Variants in CHLSN observed in about 807,000 individuals in gnomAD.
The protein encoded by CHLSN is protein cholesin.
chr7:1,135,921 GTATATATAAA>G, the CHLSN span, among the ~76,000 whole-genome samples: 1 of 115,322 alleles, frequency 8.7e-6, no homozygotes, highest in Non-Finnish European at 1.7e-5. Context: ...ATATATATAA[GTATATATAAA>G]TATATAAGTA....
chr7:1,039,337 G>A, the CHLSN span, among the ~76,000 whole-genome samples: 9 of 48,650 alleles, frequency 1.8e-4, no homozygotes, highest in South Asian at 7.8e-4. Context: ...CCCTCTGCCC[G>A]GCCAGCCGCC....
the CHLSN span, among the ~76,000 whole-genome samples, chr7:1,097,512 G>A: frequency 1.4e-5 from 2 of 143,962 alleles, no homozygotes; most frequent in African/African-American, 5.1e-5. This position sits in a 1 kb window ranked among gnomAD's most constrained non-coding sequence, Gnocchi z 4.3. Context: ...AAGAATGCAT[G>A]AATGGGAAGA....
At chr7:1,094,183 G>C in the CHLSN span, among the ~76,000 whole-genome samples, 2 of 152,232 alleles carry the variant, frequency 1.3e-5, no homozygotes, top group Non-Finnish European at 2.9e-5. Flanking sequence ...CAGCCGGCCG[G>C]GAAGGTTCCT....
At chr7:1,115,438 A>G in the CHLSN span, among the ~76,000 whole-genome samples, 1 of 152,252 alleles carries the variant, frequency 6.6e-6, no homozygotes, top group African/African-American at 2.4e-5. Context: ...ATCACCTCCC[A>G]GGTCAGACGC....
chr7:1,117,450 C>T, the CHLSN span, among the ~76,000 whole-genome samples: 5,664 of 121,984 alleles, frequency 0.046, 263 homozygotes, highest in South Asian at 0.074. Context: ...CAGACGCCCA[C>T]GCAGGATGAT....
At chr7:1,050,031 T>G in the CHLSN span, among the ~76,000 whole-genome samples, 1 of 152,212 alleles carries the variant, frequency 6.6e-6, no homozygotes, top group Non-Finnish European at 1.5e-5. Flanking sequence ...CAGGTCTCTC[T>G]GGCGGGCTAG....
chr7:1,064,900 G>T, the CHLSN span, among the ~76,000 whole-genome samples: 1 of 152,224 alleles, frequency 6.6e-6, no homozygotes. Context: ...GGAAACGCCG[G>T]GTCAAGCGAG....
the CHLSN span, among the ~76,000 whole-genome samples, chr7:1,029,900 G>A: frequency 9.2e-5 from 14 of 152,328 alleles, no homozygotes; most frequent in South Asian, 2.3e-3. Flanking sequence ...AGGCAAGGGT[G>A]GACTGGAGGC....
the CHLSN span, among the ~76,000 whole-genome samples, chr7:1,119,883 A>AG: frequency 1.1e-3 from 160 of 147,050 alleles, 1 homozygote; most frequent in African/African-American, 3.8e-3. Flanking sequence ...GTCAAAAAAA[A>AG]AAAAAAGGGG....
At chr7:1,095,388 C>T in the CHLSN span, among the ~76,000 whole-genome samples, 1 of 151,588 alleles carries the variant, frequency 6.6e-6, no homozygotes, top group African/African-American at 2.4e-5. Flanking sequence ...AAGATGCATG[C>T]TTCAATGAAG....
At chr7:1,116,552 ACGCC>A in the CHLSN span, among the ~76,000 whole-genome samples, 1 of 72,152 alleles carries the variant, frequency 1.4e-5, no homozygotes, top group South Asian at 5.3e-4. Flanking sequence ...TCCATCACCG[ACGCC>A]CACGCAGGAT....
At chr7:1,063,670 A>G in the CHLSN span, among the ~76,000 whole-genome samples, 2,944 of 152,294 alleles carry the variant, frequency 0.019, 109 homozygotes, top group East Asian at 0.18. Context: ...CCTTGGTGCC[A>G]TGTGTCTCTG....
the CHLSN span, among the ~76,000 whole-genome samples, chr7:988,002 G>GGGGGGTCCCCTCTGTGTGTCCT: frequency 0.34 from 33,319 of 96,620 alleles, 5,657 homozygotes; most frequent in African/African-American, 0.57. Context: ...TGTGTGTCCT[G>GGGGGGTCCCCTCTGTGTGTCCT]GGGGGTCCCC....
the CHLSN span, chr7:987,346 G>A: frequency 1.3e-6 from 2 of 1,574,716 alleles, no homozygotes; most frequent in Non-Finnish European, 1.7e-6. Context: ...CTTTGCCCCA[G>A]GCCGGGTGCA....
chr7:1,108,919 C>T, the CHLSN span, among the ~76,000 whole-genome samples: 702 of 127,862 alleles, frequency 5.5e-3, 4 homozygotes, highest in African/African-American at 0.017. Context: ...TTTTTTGAGA[C>T]GGAGTCTCGC....
the CHLSN span, among the ~76,000 whole-genome samples, chr7:1,086,635 AC>A: frequency 6.6e-6 from 1 of 152,134 alleles, no homozygotes; most frequent in East Asian, 1.9e-4. Flanking sequence ...GAGGCCCAGC[AC>A]CCCACTCTTG....
the CHLSN span, among the ~76,000 whole-genome samples, chr7:1,030,705 C>T: frequency 2.6e-5 from 4 of 151,128 alleles, no homozygotes; most frequent in East Asian, 3.9e-4. Context: ...CCCAGGCAGG[C>T]GGGGACTCTC....
chr7:1,093,336 G>A, the CHLSN span: 74,322 of 421,264 alleles, frequency 0.18, 7,055 homozygotes, highest in Admixed American at 0.2. Flanking sequence ...TGGACGTCGC[G>A]GTGTGTCCTC....
chr7:1,002,484 G>GT, the CHLSN span, among the ~76,000 whole-genome samples: 1 of 92,010 alleles, frequency 1.1e-5, no homozygotes, highest in Non-Finnish European at 2.2e-5. Flanking sequence ...CCTGTGGGTG[G>GT]GGAGTCCTGT....
Sources: gnomAD v4.1 joint callset for allele counts (sites outside exome capture counted in the v4.1 genomes callset) on GRCh38, gnomAD v4.1.1 for gene constraint, Gnocchi (gnomAD v3.1) non-coding constraint, MANE v1.5 for transcripts, NCBI Gene and HGNC (gene_info 2026-07-23, HGNC 2026-07-21) for gene names.